Variants in FHOD3 observed in about 807,000 individuals in gnomAD.
FHOD3 encodes the protein FH1/FH2 domain-containing protein 3.
Under a neutral mutation model 173.0 loss-of-function variants are expected in FHOD3, and 90 were observed. That is an observed-to-expected ratio of 0.52 (90% CI 0.44 to 0.62). FHOD3 has a LOEUF of 0.62. Among genes scored for constraint, FHOD3 ranks in the 20% least tolerant of loss-of-function variants. FHOD3 has a pLI of 0.00. For synonymous variants in FHOD3, 828 were observed against 823.0 expected, an observed-to-expected ratio of 1.01 and a Z score of -0.10; for missense variants, 1,945 against 2,034.7, an observed-to-expected ratio of 0.96 and a Z score of 0.85.
At chr18:36,331,150 A>G (rs1199196797) in intron 1 of FHOD3, among the ~76,000 whole-genome samples, 1 of 152,290 alleles carries the variant, frequency 6.6e-6, no homozygotes, top group African/African-American at 2.4e-5. Context: ...ACTCTAAACA[A>G]TAACATACAA....
chr18:36,448,692 G>A (rs977969986), intron 3 of FHOD3, among the ~76,000 whole-genome samples: 7 of 150,972 alleles, frequency 4.6e-5, no homozygotes, highest in African/African-American at 1.7e-4. Context: ...TCTGCTTCTT[G>A]CTGGGCCAGT....
At chr18:36,589,529 C>T (rs1221876683) in intron 6 of FHOD3, among the ~76,000 whole-genome samples, 2 of 152,140 alleles carry the variant, frequency 1.3e-5, no homozygotes, top group African/African-American at 4.8e-5. Flanking sequence ...CCGGAGCTGT[C>T]CTCTAAGAAA....
At chr18:36,604,297 GA>G (rs1287236372) in intron 8 of FHOD3, among the ~76,000 whole-genome samples, 1 of 152,208 alleles carries the variant, frequency 6.6e-6, no homozygotes, top group Non-Finnish European at 1.5e-5. Flanking sequence ...GTCCATTCCT[GA>G]AATACAGCTG....
At chr18:36,560,852 T>G (rs1194054068) in intron 5 of FHOD3, among the ~76,000 whole-genome samples, 3 of 151,764 alleles carry the variant, frequency 2.0e-5, no homozygotes, top group Admixed American at 1.3e-4. Context: ...GTTTTTTTTT[T>G]TTGTTTCTTT....
chr18:36,369,506 T>TATATAGAG (rs1198304317), intron 2 of FHOD3, among the ~76,000 whole-genome samples: 1 of 128,254 alleles, frequency 7.8e-6, no homozygotes, highest in Non-Finnish European at 1.7e-5. Context: ...CACATATATA[T>TATATAGAG]AGAGAGAGAG....
chr18:36,655,050 C>A (rs910570355), intron 13 of FHOD3, among the ~76,000 whole-genome samples: 2 of 129,216 alleles, frequency 1.5e-5, no homozygotes, highest in African/African-American at 3.2e-5. Flanking sequence ...TTTTTTTTTC[C>A]TTCTTTTTTT....
At chr18:36,666,153 G>A (rs570754880) in intron 14 of FHOD3, among the ~76,000 whole-genome samples, 3 of 152,226 alleles carry the variant, frequency 2.0e-5, no homozygotes, top group African/African-American at 7.2e-5. Context: ...AGCACACTGC[G>A]TGAGCCCTGC....
At chr18:36,635,026 A>G (rs1221337881) in intron 10 of FHOD3, among the ~76,000 whole-genome samples, 1 of 152,172 alleles carries the variant, frequency 6.6e-6, no homozygotes, top group Non-Finnish European at 1.5e-5. Flanking sequence ...TGACCTCCTG[A>G]CAAAAGTATG....
chr18:36,708,998 T>C, intron 17 of FHOD3, 97 bp from the exon 18 acceptor site: 3 of 1,442,008 alleles, frequency 2.1e-6, no homozygotes, highest in South Asian at 2.6e-5. Context: ...TGGACATCTG[T>C]CCACCACAGA....
At chr18:36,567,949 G>T (rs1168718393) in intron 5 of FHOD3, among the ~76,000 whole-genome samples, 1 of 151,932 alleles carries the variant, frequency 6.6e-6, no homozygotes, top group Non-Finnish European at 1.5e-5. Context: ...CTTGGCCCCA[G>T]TTGTGGCTAG....
intron 3 of FHOD3, among the ~76,000 whole-genome samples, chr18:36,433,438 G>A (rs2147281837): frequency 6.6e-6 from 1 of 152,286 alleles, no homozygotes; most frequent in South Asian, 2.1e-4. Context: ...AACTCCCTGT[G>A]TGGAAATGAG....
chr18:36,433,505 C>A (rs1019896842), intron 3 of FHOD3, among the ~76,000 whole-genome samples: 1 of 152,148 alleles, frequency 6.6e-6, no homozygotes, highest in Non-Finnish European at 1.5e-5. Context: ...CAATTCAACA[C>A]GTTAGGATTT....
At chr18:36,391,015 G>A (rs1369914513) in intron 3 of FHOD3, among the ~76,000 whole-genome samples, 2 of 152,220 alleles carry the variant, frequency 1.3e-5, no homozygotes, top group Admixed American at 6.5e-5. Context: ...GAAAGTGATC[G>A]TTGTCTCCGA....
chr18:36,588,839 C>A (rs764114395), intron 6 of FHOD3, among the ~76,000 whole-genome samples: 1 of 152,226 alleles, frequency 6.6e-6, no homozygotes, highest in Non-Finnish European at 1.5e-5. Flanking sequence ...ACTCCACACT[C>A]TTCCTGTGGG....
In FHOD3 at chr18:36,756,354, A is replaced by G. The variant is rs147779224; in HGVS notation, c.4425+1043A>G. 2.1e-3 allele frequency among the ~76,000 whole-genome samples: 315 copies of G among 152,230 alleles called. 1 individual carries two copies. The highest frequency in any genetic ancestry group is 7.2e-3 in the African/African-American group (298 of 41,530). On this transcript the variant is annotated intron_variant, in intron 25 of 28. Transcript: ENST00000590592. ...TTTTTCATGGTTTGGATTGTTGCCC[A>G]TGGATTTCTCCCATCTGTGCGTGCA...
chr18:36,584,664 G>A (rs1013391412), intron 6 of FHOD3, among the ~76,000 whole-genome samples: 6 of 151,942 alleles, frequency 3.9e-5, no homozygotes, highest in African/African-American at 1.5e-4. Flanking sequence ...AAAAAATATG[G>A]CAACTGGGCA....
At chr18:36,621,784 C>A (rs1041757151) in intron 9 of FHOD3, among the ~76,000 whole-genome samples, 1 of 152,154 alleles carries the variant, frequency 6.6e-6, no homozygotes. Flanking sequence ...AAGAAAAAAA[C>A]TGTTCAAGCA....
chr18:36,744,736 G>A (rs1433531981), intron 23 of FHOD3, among the ~76,000 whole-genome samples: 1 of 152,234 alleles, frequency 6.6e-6, no homozygotes, highest in African/African-American at 2.4e-5. Flanking sequence ...TAAAGCGAGT[G>A]CAGAGTTAAT....
chr18:36,678,044 A>G (rs879567609), intron 14 of FHOD3, among the ~76,000 whole-genome samples: 176 of 152,338 alleles, frequency 1.2e-3, no homozygotes, highest in Non-Finnish European at 1.8e-3. Context: ...CTCTTAATAA[A>G]ATAACATAGG....
Sources: gnomAD v4.1 joint callset for allele counts (sites outside exome capture counted in the v4.1 genomes callset) on GRCh38, gnomAD v4.1.1 for gene constraint, MANE v1.5 for transcripts, NCBI Gene and HGNC (gene_info 2026-07-23, HGNC 2026-07-21) for gene names.